The following PTPRM variants were observed in gnomAD, a reference collection of about 807,000 sequenced individuals.
The protein encoded by PTPRM is receptor-type tyrosine-protein phosphatase mu.
In PTPRM, 47 loss-of-function variants were observed where a neutral mutation model predicts 186.7. That is an observed-to-expected ratio of 0.25 (90% CI 0.20 to 0.32). PTPRM has a LOEUF of 0.32. Ranked by LOEUF, PTPRM falls within the 10% of genes least tolerant of loss-of-function variation. PTPRM has a pLI of 1.00. For synonymous variants in PTPRM, 668 were observed against 674.9 expected (o/e 0.99, Z 0.16); for missense variants, 1,494 against 1,865.0 (o/e 0.80, Z 3.66).
chr18:8,159,061 T>C (rs916037255), intron 14 of PTPRM, among the ~76,000 whole-genome samples: 5 of 152,174 alleles, frequency 3.3e-5, no homozygotes, highest in African/African-American at 1.2e-4. Flanking sequence ...TCTAAATTTC[T>C]TTTTAACAGG....
intron 14 of PTPRM, among the ~76,000 whole-genome samples, chr18:8,217,117 G>A (rs2147028654): frequency 6.6e-6 from 1 of 152,328 alleles, no homozygotes; most frequent in Non-Finnish European, 1.5e-5. Context: ...GTTGTGAGAT[G>A]TTAGTTTAAG....
intron 14 of PTPRM, among the ~76,000 whole-genome samples, chr18:8,203,218 C>T (rs2093881968): frequency 6.6e-6 from 1 of 152,084 alleles, no homozygotes; most frequent in Non-Finnish European, 1.5e-5. Flanking sequence ...GAGGGTAACA[C>T]GATGTAACTG....
Position 8,294,153 on chromosome 18 carries a change from G to A in PTPRM, c.2755-2215G>A, listed in dbSNP as rs1372478747. Among the ~76,000 whole-genome samples, 6 of 152,300 alleles carry A rather than the reference G, an allele frequency of 3.9e-5. No homozygotes were observed. In the East Asian group the frequency reaches 1.2e-3, roughly 29 times the overall value. On this transcript the variant is annotated intron_variant, in intron 19 of 32. Coordinates refer to ENST00000580170, the MANE Select transcript of PTPRM (RefSeq NM_001105244.2). The stretch of plus-strand genomic sequence containing the variant: ...TGTAATTCCAGCTACTCGGGAGGCT[G>A]AGGTACAAGAATCATTTGAACCCAG...
intron 14 of PTPRM, among the ~76,000 whole-genome samples, chr18:8,147,619 GTTTGAATACCCTTTA>G (rs144883693): frequency 0.12 from 17,938 of 152,100 alleles, 1,177 homozygotes; most frequent in Non-Finnish European, 0.15. Context: ...CTCTCTTCCT[GTTTGAATACCCTTTA>G]TTTCTTTCTC....
At chr18:7,998,432 C>T (rs2083670114) in intron 7 of PTPRM, among the ~76,000 whole-genome samples, 1 of 152,084 alleles carries the variant, frequency 6.6e-6, no homozygotes, top group Non-Finnish European at 1.5e-5. Context: ...ACATTGTATA[C>T]ATGCATCAAA....
At chr18:7,821,020 T>C (rs1241422790) in intron 2 of PTPRM, among the ~76,000 whole-genome samples, 1 of 152,136 alleles carries the variant, frequency 6.6e-6, no homozygotes, top group Non-Finnish European at 1.5e-5. Flanking sequence ...GTGGAGCTAC[T>C]GATTAGAGAA....
intron 9 of PTPRM, among the ~76,000 whole-genome samples, chr18:8,085,245 C>T (rs2090370257): frequency 6.6e-6 from 1 of 152,020 alleles, no homozygotes; most frequent in African/African-American, 2.4e-5. Context: ...TCAGTGCCCT[C>T]GTTCCCAATA....
chr18:8,218,127 G>A (rs2094111633), intron 14 of PTPRM, among the ~76,000 whole-genome samples: 1 of 152,148 alleles, frequency 6.6e-6, no homozygotes, highest in African/African-American at 2.4e-5. Context: ...AGCTACACAT[G>A]TCCTTTATGC....
At chr18:7,636,198 C>A (rs2038308414) in intron 1 of PTPRM, among the ~76,000 whole-genome samples, 2 of 151,000 alleles carry the variant, frequency 1.3e-5, no homozygotes, top group Non-Finnish European at 2.9e-5. Context: ...ACCTGTTAAC[C>A]ACTGCAGTGC....
chr18:7,648,075 A>G (rs1290858063), intron 1 of PTPRM, among the ~76,000 whole-genome samples: 2 of 151,974 alleles, frequency 1.3e-5, no homozygotes, highest in Non-Finnish European at 2.9e-5. Context: ...CCCACTTTGT[A>G]TTTCTTTTTC....
At chr18:7,712,465 C>G (rs961461830) in intron 1 of PTPRM, among the ~76,000 whole-genome samples, 1 of 151,994 alleles carries the variant, frequency 6.6e-6, no homozygotes, top group African/African-American at 2.4e-5. Context: ...TCTTCTTATT[C>G]AAAGGATCAC....
chr18:8,383,296 CAAAAAAAAAAAAAA>C (rs59442781), intron 29 of PTPRM, among the ~76,000 whole-genome samples: 72 of 30,438 alleles, frequency 2.4e-3, no homozygotes, highest in South Asian at 0.019. Flanking sequence ...GCTTCTGCCT[CAAAAAAAAAAAAAA>C]AAAAAAAAAA....
chr18:8,160,886 A>C (rs915948110), intron 14 of PTPRM, among the ~76,000 whole-genome samples: 2 of 152,318 alleles, frequency 1.3e-5, no homozygotes, highest in East Asian at 3.9e-4. Flanking sequence ...TAATAAGAAC[A>C]AATTCAGGAA....
In PTPRM at chr18:7,717,471, C is replaced by T. The variant is rs556587860; in HGVS notation, c.74-56678C>T. Among the ~76,000 whole-genome samples, 60 of 152,290 alleles carry T rather than the reference C, an allele frequency of 3.9e-4. 1 individual carries two copies. The highest frequency in any genetic ancestry group is 7.4e-4 in the Non-Finnish European group (50 of 68,016). On this transcript the variant is annotated intron_variant, in intron 1 of 32. Transcript: ENST00000580170. The stretch of plus-strand genomic sequence containing the variant: ...GAGCCACTTTGATCAGCAGTAAAAT[C>T]GCCCACAGTTACCATGCTTCAGTTC...
At chr18:8,197,962 G>A (rs2093802445) in intron 14 of PTPRM, among the ~76,000 whole-genome samples, 1 of 152,156 alleles carries the variant, frequency 6.6e-6, no homozygotes, top group Non-Finnish European at 1.5e-5. Flanking sequence ...TCATGGAGAA[G>A]GTGGGATGGA....
chr18:7,730,360 G>A (rs1366411335), intron 1 of PTPRM, among the ~76,000 whole-genome samples: 1 of 152,120 alleles, frequency 6.6e-6, no homozygotes, highest in Admixed American at 6.6e-5. Flanking sequence ...TACCCCTAAG[G>A]ATGTCTTCCT....
At chr18:8,284,744 A>T (rs575448407) in intron 19 of PTPRM, among the ~76,000 whole-genome samples, 17 of 152,024 alleles carry the variant, frequency 1.1e-4, no homozygotes, top group Admixed American at 2.0e-4. Context: ...CAAGACTCTG[A>T]CTCAAAAAAC....
At chr18:7,652,054 A>C (rs1304533397) in intron 1 of PTPRM, among the ~76,000 whole-genome samples, 1 of 152,244 alleles carries the variant, frequency 6.6e-6, no homozygotes, top group East Asian at 1.9e-4. Context: ...ACAAATTTAC[A>C]AGGAAAAAAC....
intron 14 of PTPRM, among the ~76,000 whole-genome samples, chr18:8,230,000 G>A (rs917655213): frequency 7.9e-5 from 12 of 152,184 alleles, no homozygotes; most frequent in South Asian, 4.1e-4. Context: ...AAATAAAGTT[G>A]TAGCCTAAAG....
Sources: allele counts gnomAD v4.1 joint callset (sites outside exome capture counted in the v4.1 genomes callset), GRCh38; gene constraint gnomAD v4.1.1; transcripts MANE v1.5; gene names NCBI Gene and HGNC (gene_info 2026-07-23, HGNC 2026-07-21).